The following CSGALNACT1 variants were observed in gnomAD, a reference collection of about 807,000 sequenced individuals.
CSGALNACT1 encodes beta4GalNAcT-1.
In CSGALNACT1, 52 loss-of-function variants were observed where a neutral mutation model predicts 51.0. The ratio of observed to expected loss-of-function variants is 1.02; its 90% CI spans 0.82 to 1.29. The LOEUF is 1.29. Among genes scored for constraint, CSGALNACT1 ranks in the 50% most tolerant of loss-of-function variants. CSGALNACT1 has a pLI of 0.00. For synonymous variants in CSGALNACT1, 341 were observed against 254.4 expected, an observed-to-expected ratio of 1.34 and a Z score of -3.24; for missense variants, 935 against 679.2, an observed-to-expected ratio of 1.38 and a Z score of -4.19.
intron 3 of CSGALNACT1, among the ~76,000 whole-genome samples, chr8:19,565,642 G>C (rs975755507): frequency 6.6e-6 from 1 of 152,190 alleles, no homozygotes; most frequent in African/African-American, 2.4e-5. Flanking sequence ...CTTCAGGCCG[G>C]GCACAGTGGC....
intron 1 of CSGALNACT1, among the ~76,000 whole-genome samples, chr8:19,616,049 A>G (rs1051227114): frequency 1.3e-5 from 2 of 152,256 alleles, no homozygotes; most frequent in African/African-American, 4.8e-5. Context: ...ACAAGATTGA[A>G]TAAAATGCAC....
At chr8:19,600,842 A>G (rs543189974) in intron 2 of CSGALNACT1, among the ~76,000 whole-genome samples, 1 of 151,710 alleles carries the variant, frequency 6.6e-6, no homozygotes, top group East Asian at 1.9e-4. Context: ...AAAAAAAAAA[A>G]GCAAAACCAT....
At chr8:19,487,657 T>A (rs915374793) in intron 4 of CSGALNACT1, among the ~76,000 whole-genome samples, 8 of 152,212 alleles carry the variant, frequency 5.3e-5, no homozygotes, top group African/African-American at 1.9e-4. Context: ...CGCCTGCACC[T>A]TCAGCTAAGG....
chr8:19,618,775 C>T (rs573480591), intron 1 of CSGALNACT1, among the ~76,000 whole-genome samples: 24 of 152,146 alleles, frequency 1.6e-4, no homozygotes, highest in African/African-American at 5.3e-4. Flanking sequence ...CTCCCAAGGC[C>T]GGGGCTAGCA....
At chr8:19,437,187 G>A (rs1436157547) in intron 6 of CSGALNACT1, among the ~76,000 whole-genome samples, 2 of 152,130 alleles carry the variant, frequency 1.3e-5, no homozygotes, top group African/African-American at 4.8e-5. Flanking sequence ...GAAAAGGACT[G>A]GAAGTCAGAA....
chr8:19,474,881 A>AAAG lies in CSGALNACT1; in HGVS notation c.635-16240_635-16239insCTT, dbSNP rs1222085988. ...AAACTCTGTCTCAGAAAAAAAAAAA[A>AAAG]AAAAAGAAAAAAAAAAGAAAGCAAC... On this transcript the variant is annotated intron_variant, in intron 4 of 9. Coordinates refer to ENST00000454498, the Ensembl canonical transcript of CSGALNACT1. Among the ~76,000 whole-genome samples the AAAG allele has an allele frequency of 2.3e-4, 34 of 150,532 alleles. No homozygotes were observed. In the East Asian group the frequency reaches 4.8e-3, roughly 21 times the overall value.
intron 4 of CSGALNACT1, among the ~76,000 whole-genome samples, chr8:19,477,420 G>C (rs1481839058): frequency 6.6e-6 from 1 of 152,142 alleles, no homozygotes; most frequent in African/African-American, 2.4e-5. Flanking sequence ...AACTTTTCCA[G>C]CGGACGATAG....
intron 3 of CSGALNACT1, among the ~76,000 whole-genome samples, chr8:19,559,152 A>C (rs2040145658): frequency 6.6e-6 from 1 of 152,200 alleles, no homozygotes; most frequent in Non-Finnish European, 1.5e-5. Flanking sequence ...GAAATTACAA[A>C]CTAATGTCTC....
rs543177202 is a variant in CSGALNACT1 at position 19,516,218 on chromosome 8, T to C, written c.-296-10088A>G. Among the ~76,000 whole-genome samples the C allele has an allele frequency of 4.6e-5, 7 of 152,292 alleles. No individual in the cohort carries two copies. The South Asian group carries it at 1.0e-3, about 23-fold the overall frequency. On this transcript the variant is annotated intron_variant, in intron 3 of 9. Coordinates refer to ENST00000454498, the Ensembl canonical transcript of CSGALNACT1. ...TCTCATTTAATCCTCAAAACGATCC[T>C]ATGAGCTACATCTTATTAACCCCAT...
chr8:19,493,723 C>A (rs978646221), intron 4 of CSGALNACT1, among the ~76,000 whole-genome samples: 1 of 152,176 alleles, frequency 6.6e-6, no homozygotes, highest in African/African-American at 2.4e-5. Context: ...ATTCCACATT[C>A]TGTTTATTGA....
intron 1 of CSGALNACT1, chr8:19,682,343 T>A (rs1466746601): frequency 3.4e-6 from 1 of 296,906 alleles, no homozygotes; most frequent in East Asian, 8.4e-5. Context: ...TGCTAATGAG[T>A]TGGCAAGCTC....
At chr8:19,669,531 A>C (rs1309945516) in intron 1 of CSGALNACT1, among the ~76,000 whole-genome samples, 1 of 152,174 alleles carries the variant, frequency 6.6e-6, no homozygotes, top group Non-Finnish European at 1.5e-5. Context: ...CCTTCACTGC[A>C]ACTTCTCCCT....
rs537161975 is a variant in CSGALNACT1, at chr8:19,565,227, C to T, written c.-297+25933G>A. 1.2e-3 allele frequency among the ~76,000 whole-genome samples: 186 copies of T among 152,244 alleles called. 1 individual carries two copies. Among genetic ancestry groups the T allele is most frequent in the African/African-American group, 4.1e-3 (172 of 41,522 alleles). ...CCACCTTTTTCCAAAATCCAACTTT[C>T]GGAAAAGTTCTAAAAGTCAAAAAAC... On this transcript the variant is annotated intron_variant, in intron 3 of 9. Coordinates refer to ENST00000454498, the Ensembl canonical transcript of CSGALNACT1.
At chr8:19,635,440 C>A (rs1057215538) in intron 1 of CSGALNACT1, among the ~76,000 whole-genome samples, 1 of 152,186 alleles carries the variant, frequency 6.6e-6, no homozygotes, top group Non-Finnish European at 1.5e-5. Flanking sequence ...GGCCTGTTGC[C>A]CTAAATGGCA....
chr8:19,444,885 G>C (rs941001188), intron 5 of CSGALNACT1, among the ~76,000 whole-genome samples: 3 of 152,176 alleles, frequency 2.0e-5, no homozygotes, highest in African/African-American at 7.2e-5. Flanking sequence ...GAGGGATAAA[G>C]TTTAGAAAGG....
chr8:19,748,583 A>C (rs1432701755), intron 1 of CSGALNACT1, among the ~76,000 whole-genome samples: 1 of 152,204 alleles, frequency 6.6e-6, no homozygotes, highest in African/African-American at 2.4e-5. Context: ...GTGCTGTAGC[A>C]TTTACGTACA....
intron 5 of CSGALNACT1, among the ~76,000 whole-genome samples, chr8:19,441,829 G>C (rs1274178091): frequency 6.6e-6 from 1 of 152,026 alleles, no homozygotes; most frequent in Non-Finnish European, 1.5e-5. Flanking sequence ...ATCTGACAAA[G>C]GGCTAATATC....
chr8:19,575,382 T>C (rs1588562484), intron 3 of CSGALNACT1, among the ~76,000 whole-genome samples: 1 of 152,232 alleles, frequency 6.6e-6, no homozygotes, highest in South Asian at 2.1e-4. Flanking sequence ...CTATTAAGTA[T>C]TCTTGCCTAA....
In CSGALNACT1 at chr8:19,420,326, G is replaced by A. The variant is rs1179128717; in HGVS notation, c.1132+14C>T. On this transcript the variant is annotated intron_variant, in intron 7 of 9. Transcript: ENST00000454498. ...CTGGGGGCCACCTGAGCGTGACAGA[G>A]AGATGATCCATACCTGGCTGTGTAT... 1 of 1,613,762 alleles carries A rather than the reference G, an allele frequency of 6.2e-7. No individual in the cohort carries two copies. Among genetic ancestry groups the A allele is most frequent in the African/African-American group, 1.3e-5 (1 of 74,932 alleles).
Sources: gnomAD v4.1 joint callset for allele counts (sites outside exome capture counted in the v4.1 genomes callset) on GRCh38, gnomAD v4.1.1 for gene constraint, MANE v1.5 for transcripts, NCBI Gene and HGNC (gene_info 2026-07-23, HGNC 2026-07-21) for gene names.